The following NTNG1 variants were observed in gnomAD, a reference collection of about 807,000 sequenced individuals.
NTNG1 encodes netrin-G1.
NTNG1 carries 16 observed loss-of-function variants against 54.0 expected under a neutral mutation model. The observed-to-expected ratio is 0.30, with a 90% CI of 0.20 to 0.45. The LOEUF (loss-of-function observed/expected upper bound fraction) is 0.45. Ranked by LOEUF, NTNG1 falls within the 20% of genes least tolerant of loss-of-function variation. The pLI, the probability that NTNG1 is intolerant of heterozygous loss-of-function variation, is 1.00. For missense variants in NTNG1, 530 were observed against 678.7 expected, an observed-to-expected ratio of 0.78 and a Z score of 2.43; for synonymous variants, 255 against 263.1, an observed-to-expected ratio of 0.97 and a Z score of 0.30.
chr1:107,350,400 G>C (rs958237282), intron 3 of NTNG1, among the ~76,000 whole-genome samples: 1 of 152,196 alleles, frequency 6.6e-6, no homozygotes, highest in South Asian at 2.1e-4. Flanking sequence ...TTTATCCATA[G>C]TTGTCTTTAT....
chr1:107,161,177 C>T (rs773919281), intron 2 of NTNG1, among the ~76,000 whole-genome samples: 6 of 152,062 alleles, frequency 3.9e-5, no homozygotes, highest in African/African-American at 9.7e-5. Flanking sequence ...ATGAATGAAC[C>T]GTTAAACAGA....
intron 5 of NTNG1, chr1:107,408,819 T>C (rs1490805428): frequency 6.6e-6 from 1 of 151,990 alleles, no homozygotes; most frequent in African/African-American, 2.4e-5. Context: ...GCAGTGTAAA[T>C]AGCCATTGAA....
intron 3 of NTNG1, among the ~76,000 whole-genome samples, chr1:107,359,218 T>C (rs1252333747): frequency 1.3e-5 from 2 of 152,196 alleles, no homozygotes; most frequent in African/African-American, 4.8e-5. Flanking sequence ...GACAATGTAA[T>C]TACATCCTGC....
chr1:107,236,145 G>A (rs1661397659), intron 2 of NTNG1, among the ~76,000 whole-genome samples: 1 of 152,088 alleles, frequency 6.6e-6, no homozygotes, highest in South Asian at 2.1e-4. Flanking sequence ...AGAAAATCTT[G>A]AAATTAGCCT....
intron 4 of NTNG1, 146 bp downstream of exon 4, chr1:107,395,472 A>G (rs890494289): frequency 1.3e-6 from 1 of 795,948 alleles, no homozygotes; most frequent in Non-Finnish European, 2.2e-6. Flanking sequence ...TCCCTATCTT[A>G]CCTCATGTAG....
At chr1:107,444,148 A>G (rs1043855974) in intron 7 of NTNG1, among the ~76,000 whole-genome samples, 1 of 152,114 alleles carries the variant, frequency 6.6e-6, no homozygotes, top group Non-Finnish European at 1.5e-5. Context: ...CTCTTGATTC[A>G]GCAGGAAGAT....
At chr1:107,327,329 A>G (rs1441254142) in intron 3 of NTNG1, among the ~76,000 whole-genome samples, 1 of 152,118 alleles carries the variant, frequency 6.6e-6, no homozygotes, top group Non-Finnish European at 1.5e-5. Context: ...TAAGTTATAT[A>G]ATGAAGATCT....
chr1:107,204,637 G>T (rs1312065570), intron 2 of NTNG1, among the ~76,000 whole-genome samples: 2 of 152,116 alleles, frequency 1.3e-5, no homozygotes, highest in Non-Finnish European at 2.9e-5. Context: ...GAATCACTCA[G>T]CTGAAACCTG....
intron 2 of NTNG1, among the ~76,000 whole-genome samples, chr1:107,181,678 C>G (rs1172910221): frequency 6.6e-6 from 1 of 152,060 alleles, no homozygotes; most frequent in African/African-American, 2.4e-5. Flanking sequence ...GATGTCAGCT[C>G]CCTCCCTTGC....
At chr1:107,386,739 G>C (rs974669833) in intron 3 of NTNG1, among the ~76,000 whole-genome samples, 1 of 152,018 alleles carries the variant, frequency 6.6e-6, no homozygotes, top group African/African-American at 2.4e-5. Flanking sequence ...CAGTTCTCTT[G>C]GATAAATACC....
chr1:107,300,619 T>C (rs558604935), intron 2 of NTNG1, among the ~76,000 whole-genome samples: 15 of 152,286 alleles, frequency 9.8e-5, no homozygotes, highest in African/African-American at 3.6e-4. Flanking sequence ...GAAGGAGCAG[T>C]GAGATCTGTT....
rs1675211893 is a variant in NTNG1 at position 107,430,778 on chromosome 1, A to G, written c.1116A>G (p.Arg372=). The change falls in exon 6 of 8, where the codon CGA becomes CGG. Residue 372 remains arginine (R), a synonymous_variant. Transcript: ENST00000370068. ...GTGAATGCTTCGGCCACTCCAATCG[A>G]TGCAGTTATATCGATCTGCTAAATA... is the stretch of plus-strand genomic sequence containing the variant. The part of the protein sequence containing the change: ...GNCECFGHSN[R]CSYIDLLNTV... 1 of 1,613,280 alleles carries G rather than the reference A, an allele frequency of 6.2e-7. No homozygotes were observed. The highest frequency in any genetic ancestry group is 2.2e-5 in the East Asian group (1 of 44,762).
chr1:107,411,098 A>G (rs955551529), intron 5 of NTNG1, among the ~76,000 whole-genome samples: 26 of 152,306 alleles, frequency 1.7e-4, no homozygotes, highest in African/African-American at 6.3e-4. Flanking sequence ...CTGACTCTAG[A>G]GTATTTCCTT....
intron 2 of NTNG1, among the ~76,000 whole-genome samples, chr1:107,200,407 A>C (rs1168540290): frequency 6.6e-6 from 1 of 151,806 alleles, no homozygotes; most frequent in African/African-American, 2.4e-5. Context: ...GAACTTAAAC[A>C]GTCTGTGTTC....
intron 6 of NTNG1, among the ~76,000 whole-genome samples, chr1:107,431,956 A>T (rs1267367056): frequency 6.6e-6 from 1 of 152,186 alleles, no homozygotes; most frequent in Non-Finnish European, 1.5e-5. Flanking sequence ...CTCTGATTGG[A>T]TCGTCAAGAT....
At chr1:107,334,356 A>G (rs561390862) in intron 3 of NTNG1, among the ~76,000 whole-genome samples, 1 of 152,100 alleles carries the variant, frequency 6.6e-6, no homozygotes, top group Admixed American at 6.6e-5. Context: ...ATTTGGTGCT[A>G]ACAGAATATC....
At chr1:107,365,877 T>C (rs1670567095) in intron 3 of NTNG1, among the ~76,000 whole-genome samples, 1 of 152,204 alleles carries the variant, frequency 6.6e-6, no homozygotes, top group South Asian at 2.1e-4. Flanking sequence ...TTAAACAGTA[T>C]GGAATTAACC....
chr1:107,175,621 T>C (rs927665409), intron 2 of NTNG1, among the ~76,000 whole-genome samples: 4 of 152,152 alleles, frequency 2.6e-5, no homozygotes, highest in East Asian at 3.9e-4. Context: ...TTTTTTTTTT[T>C]CTAAGAAAGG....
rs1570974336 is a variant in NTNG1 at position 107,258,242 on chromosome 1, C to T, written c.247-66040C>T. Among the ~76,000 whole-genome samples, 6 of 144,700 alleles carry T rather than the reference C, an allele frequency of 4.1e-5. No individual in the cohort carries two copies. In the South Asian group the frequency reaches 8.7e-4, roughly 21 times the overall value. The allele number at this position is 144,700 out of a possible 152,430, so 94.9% of individuals were successfully genotyped here. A position where few individuals can be genotyped will look rare whatever the true frequency, so the allele number is the denominator to read the frequency against. On this transcript the variant is annotated intron_variant, in intron 2 of 7. Coordinates refer to ENST00000370068, the MANE Select transcript of NTNG1 (RefSeq NM_001113226.3). ...AAAGTCTTATTAAGTGTTGTAATGG[C>T]TCTAAGAGTTGTTGGTTTTTTTTTT...
Sources: allele counts gnomAD v4.1 joint callset (sites outside exome capture counted in the v4.1 genomes callset), GRCh38; gene constraint gnomAD v4.1.1; transcripts MANE v1.5; gene names NCBI Gene and HGNC (gene_info 2026-07-23, HGNC 2026-07-21).